USP53: variants seen among roughly 807,000 people sequenced by gnomAD.
USP53 encodes ubiquitin specific peptidase 53, also known as ubiquitin carboxyl-terminal hydrolase 53.
Under a neutral mutation model 94.9 loss-of-function variants are expected in USP53, and 71 were observed. That is an observed-to-expected ratio of 0.75 (90% CI 0.62 to 0.91). The LOEUF (loss-of-function observed/expected upper bound fraction) is 0.91. Among genes scored for constraint, USP53 ranks in the 40% least tolerant of loss-of-function variants. USP53 has a pLI of 0.00. For missense variants in USP53, 1,173 were observed against 1,281.0 expected (o/e 0.92, Z 1.29); for synonymous variants, 375 against 422.7 (o/e 0.89, Z 1.39).
chr4:119,271,965 A>G lies in USP53; in HGVS notation c.2105A>G (p.Asp702Gly). 5 of 1,613,734 alleles carry G rather than the reference A, an allele frequency of 3.1e-6. No individual in the cohort carries two copies. The highest frequency in any genetic ancestry group is 4.2e-6 in the Non-Finnish European group (5 of 1,179,920). Residue 702 changes from aspartate to glycine, a missense_variant, in exon 16 of 19, where the codon GAC (aspartate) becomes GGC (glycine). Transcript: ENST00000692078. The part of the protein sequence containing the change: ...DHISNGSTNL[D>G]SPVIDGNGTV... ...ATCAGTAATGGTTCTACTAATTTGG[A>G]CTCACCTGTTATCGATGGAAATGGT...
intron 5 of USP53, among the ~76,000 whole-genome samples, chr4:119,244,887 T>C (rs1748016331): frequency 6.6e-6 from 1 of 152,228 alleles, no homozygotes; most frequent in African/African-American, 2.4e-5. Context: ...CTCACCCCTT[T>C]TTCTTGCCAT....
chr4:119,232,324 T>C (rs1436121357), intron 3 of USP53, among the ~76,000 whole-genome samples: 1 of 152,204 alleles, frequency 6.6e-6, no homozygotes, highest in East Asian at 1.9e-4. Context: ...AAACAAACAT[T>C]AATCTACTAT....
intron 3 of USP53, among the ~76,000 whole-genome samples, chr4:119,229,939 A>G (rs1040742666): frequency 5.9e-5 from 9 of 152,080 alleles, no homozygotes; most frequent in African/African-American, 1.9e-4. Context: ...TTTATTGTGT[A>G]TATTACTTGA....
intron 3 of USP53, among the ~76,000 whole-genome samples, chr4:119,230,723 C>T (rs1056120959): frequency 5.3e-5 from 8 of 152,044 alleles, no homozygotes; most frequent in Non-Finnish European, 7.4e-5. Context: ...ACTTACAAAT[C>T]GAGAGAGAAG....
chr4:119,233,372 C>T (rs988785133), intron 3 of USP53, among the ~76,000 whole-genome samples: 1 of 152,116 alleles, frequency 6.6e-6, no homozygotes, highest in African/African-American at 2.4e-5. Context: ...CTTTGAGTTA[C>T]ACATCCTGTT....
chr4:119,230,003 A>G (rs1745845475), intron 3 of USP53, among the ~76,000 whole-genome samples: 1 of 152,164 alleles, frequency 6.6e-6, no homozygotes, highest in African/African-American at 2.4e-5. Flanking sequence ...CAACATACGC[A>G]TGAAACTTGT....
At position 119,269,139 on chromosome 4, in the gene USP53, C is replaced by G. The variant is rs138316987; in HGVS notation, c.1289-552C>G. On this transcript the variant is annotated intron_variant, in intron 14 of 18. Coordinates refer to ENST00000692078, the MANE Select transcript of USP53 (RefSeq NM_001371395.1). ...TCTTAATGAAGCTGTATCTCTTTTCCTTTCACAGATTATTGATACTCTTAG... is the reference window on the plus strand; with the variant it reads ...TCTTAATGAAGCTGTATCTCTTTTCGTTTCACAGATTATTGATACTCTTAG... Among the ~76,000 whole-genome samples the G allele has an allele frequency of 4.6e-5, 7 of 152,210 alleles. No homozygotes were observed. The East Asian group carries it at 1.3e-3, about 29-fold the overall frequency.
At chr4:119,244,109 G>A (rs577353692) in intron 5 of USP53, among the ~76,000 whole-genome samples, 1 of 152,252 alleles carries the variant, frequency 6.6e-6, no homozygotes, top group South Asian at 2.1e-4. Context: ...GTGGTACATT[G>A]CTTCTAAAGT....
chr4:119,214,134 A>C lies in USP53; in HGVS notation c.-877A>C, dbSNP rs996559670. The C allele has an allele frequency of 6.6e-6, 1 of 151,832 alleles. No individual in the cohort carries two copies. Among genetic ancestry groups the C allele is most frequent in the Non-Finnish European group, 1.5e-5 (1 of 67,970 alleles). The allele number at this position is 151,832 out of a possible 1,614,324, so 9.4% of individuals were successfully genotyped here. ...TAAAGATAAATTAAAAAAAAAAAAA[A>C]AAAACCAAAGGGAACAAAACTTACT... On this transcript the variant is annotated 5_prime_UTR_variant, in exon 2 of 19. Coordinates refer to ENST00000692078, the MANE Select transcript of USP53 (RefSeq NM_001371395.1).
rs17050460 is a variant in USP53, at chr4:119,271,477, T to C, written c.1617T>C (p.Ile539=). ...TAATAAGTTCAAGTAAATCCCAGAT[T>C]CTTGCTCCAGGAGAGAAAATAACTG... ...AQIISSSKSQ[I]LAPGEKITGK... The change falls in exon 16 of 19, where the codon ATT becomes ATC. Residue 539 remains isoleucine (I), a synonymous_variant. Transcript: ENST00000692078. The C allele has an allele frequency of 2.7e-3, 4,342 of 1,613,642 alleles. 96 individuals are homozygous for C. The African/African-American group carries it at 0.051, about 19-fold the overall frequency.
intron 4 of USP53, among the ~76,000 whole-genome samples, chr4:119,237,253 G>C (rs139231109): frequency 6.6e-6 from 1 of 152,250 alleles, no homozygotes; most frequent in South Asian, 2.1e-4. Flanking sequence ...GTAGAATACA[G>C]TCAGTCTAGA....
chr4:119,289,720 C>T (rs887778330), intron 17 of USP53, among the ~76,000 whole-genome samples: 4 of 152,054 alleles, frequency 2.6e-5, no homozygotes, highest in African/African-American at 9.7e-5. Context: ...ATATTGGTGC[C>T]CCAGGACCCT....
At chr4:119,286,948 G>C (rs146887068) in intron 17 of USP53, among the ~76,000 whole-genome samples, 324 of 151,998 alleles carry the variant, frequency 2.1e-3, no homozygotes, top group African/African-American at 7.1e-3. Flanking sequence ...ATTCCTTCTA[G>C]AGAGACTCTG....
At chr4:119,262,498 A>G (rs1467672131) in intron 12 of USP53, among the ~76,000 whole-genome samples, 2 of 140,552 alleles carry the variant, frequency 1.4e-5, no homozygotes. Flanking sequence ...TATATATTAT[A>G]TACTGTACTC....
chr4:119,238,666 G>A (rs1048350956), intron 4 of USP53, among the ~76,000 whole-genome samples: 2 of 152,152 alleles, frequency 1.3e-5, no homozygotes, highest in African/African-American at 4.8e-5. Context: ...TGCAAAGAGC[G>A]ATAAAGTAAA....
At chr4:119,269,928 G>A in intron 15 of USP53, 91 bp downstream of exon 15, 1 of 652,716 alleles carries the variant, frequency 1.5e-6, no homozygotes, top group Non-Finnish European at 2.1e-6. Flanking sequence ...TTCTGTATAT[G>A]TTAAATAATA....
intron 4 of USP53, among the ~76,000 whole-genome samples, chr4:119,237,600 C>T (rs2149319073): frequency 6.6e-6 from 1 of 152,082 alleles, no homozygotes; most frequent in East Asian, 1.9e-4. Context: ...AGCTTTGAAG[C>T]CAGGCATTGA....
At chr4:119,280,024 C>T (rs970166471) in intron 17 of USP53, among the ~76,000 whole-genome samples, 11 of 152,240 alleles carry the variant, frequency 7.2e-5, no homozygotes, top group African/African-American at 2.2e-4. Context: ...GAGATGAACC[C>T]GGTACCTCAG....
intron 9 of USP53, among the ~76,000 whole-genome samples, chr4:119,259,447 T>C (rs1249781216): frequency 6.6e-6 from 1 of 152,198 alleles, no homozygotes; most frequent in African/African-American, 2.4e-5. Flanking sequence ...AGAGGGAGCC[T>C]TTCCTACAGT....
Sources: gnomAD v4.1 joint callset for allele counts (sites outside exome capture counted in the v4.1 genomes callset) on GRCh38, gnomAD v4.1.1 for gene constraint, MANE v1.5 for transcripts, NCBI Gene and HGNC (gene_info 2026-07-23, HGNC 2026-07-21) for gene names.